The following GAPDHS variants were observed in gnomAD, a reference collection of about 807,000 sequenced individuals.
GAPDHS encodes glyceraldehyde-3-phosphate dehydrogenase, spermatogenic.
Under a neutral mutation model 48.7 loss-of-function variants are expected in GAPDHS, and 42 were observed. The observed-to-expected ratio is 0.86, with a 90% CI of 0.67 to 1.12. The LOEUF is 1.12. Ranked by LOEUF, GAPDHS falls within the 50% of genes most tolerant of loss-of-function variation. GAPDHS has a pLI of 0.00. For missense variants in GAPDHS, 512 were observed against 557.7 expected (o/e 0.92, Z 0.82); for synonymous variants, 166 against 219.1 (o/e 0.76, Z 2.14).
chr19:35,538,011 G>A (rs1372220714), intron 2 of GAPDHS, among the ~76,000 whole-genome samples: 2 of 152,194 alleles, frequency 1.3e-5, no homozygotes, highest in African/African-American at 4.8e-5. Context: ...AGGAGGCAGA[G>A]GTTGCAATGA....
At chr19:35,542,029 T>C (rs1305309056) in intron 4 of GAPDHS, 9 of 446,890 alleles carry the variant, frequency 2.0e-5, no homozygotes, top group Non-Finnish European at 2.9e-5. Flanking sequence ...GCAGTCAGCA[T>C]TGGCGCCTCT....
At chr19:35,544,874 C>A in intron 9 of GAPDHS, 35 bp from the exon 10 acceptor site, 1 of 1,327,192 alleles carries the variant, frequency 7.5e-7, no homozygotes, top group Non-Finnish European at 1.1e-6. Context: ...CCTTGCTCTG[C>A]CGGACACACT....
chr19:35,540,444 G>A (rs768331342), intron 4 of GAPDHS, among the ~76,000 whole-genome samples: 1 of 152,202 alleles, frequency 6.6e-6, no homozygotes, highest in African/African-American at 2.4e-5. Flanking sequence ...CAGAGGAATC[G>A]CAAGTGTCCC....
chr19:35,533,838 C>A (rs552311585), intron 1 of GAPDHS, among the ~76,000 whole-genome samples: 1 of 152,182 alleles, frequency 6.6e-6, no homozygotes, highest in Non-Finnish European at 1.5e-5. Flanking sequence ...CGCTATCACG[C>A]GGTAGAAAGA....
chr19:35,542,228 C>A, intron 4 of GAPDHS, 91 bp from the exon 5 acceptor site: 3 of 876,558 alleles, frequency 3.4e-6, no homozygotes, highest in South Asian at 2.8e-5. Context: ...TGGGCCGGTA[C>A]CTGCTCAGCC....
intron 1 of GAPDHS, among the ~76,000 whole-genome samples, chr19:35,536,578 GA>G (rs144468847): frequency 2.1e-5 from 3 of 146,116 alleles, no homozygotes; most frequent in South Asian, 2.2e-4. Flanking sequence ...TCTGTCTCGG[GA>G]AAAAAAAAAC....
In GAPDHS at chr19:35,542,311, C is replaced by T; in HGVS notation, c.450-8C>T. Reference sequence around the variant, plus strand: ...GGAGACTGACTCAGCCCTGCCACTTCCCCACAGCAAAGAGCCCAAACAGAT... The same window carrying T: ...GGAGACTGACTCAGCCCTGCCACTTTCCCACAGCAAAGAGCCCAAACAGAT... On this transcript the variant is annotated splice_polypyrimidine_tract_variant and splice_region_variant and intron_variant, in intron 4 of 10. Coordinates refer to ENST00000222286, the MANE Select transcript of GAPDHS (RefSeq NM_014364.5). 6.2e-7 allele frequency: 1 copy of T among 1,600,138 alleles called. No individual in the cohort carries two copies. The highest frequency in any genetic ancestry group is 8.6e-7 in the Non-Finnish European group (1 of 1,168,924).
At chr19:35,537,102 G>A (rs753335986) in intron 2 of GAPDHS, 112 bp downstream of exon 2, 185 of 895,886 alleles carry the variant, frequency 2.1e-4, no homozygotes, top group Admixed American at 6.2e-4. Context: ...TCGTTCCGAC[G>A]ACCCTGGAGA....
At chr19:35,542,082 C>G (rs1218288463) in intron 4 of GAPDHS, 5 of 550,176 alleles carry the variant, frequency 9.1e-6, no homozygotes, top group Non-Finnish European at 1.6e-5. Context: ...CACCTGTACC[C>G]AGGCATAACA....
chr19:35,542,197 G>C, intron 4 of GAPDHS, 122 bp from the exon 5 acceptor site: 1 of 679,620 alleles, frequency 1.5e-6, no homozygotes, highest in East Asian at 2.7e-5. Flanking sequence ...GTGTGGGGTA[G>C]GGGACGCAGG....
chr19:35,544,773 A>T (rs555626112), intron 9 of GAPDHS, 136 bp from the exon 10 acceptor site: 1 of 680,532 alleles, frequency 1.5e-6, no homozygotes, highest in South Asian at 1.6e-5. Context: ...TCCAGTCCAG[A>T]GACTGGACAC....
At chr19:35,545,077 C>G (rs753485007) in intron 10 of GAPDHS, 21 bp from the exon 11 acceptor site, 1 of 1,612,844 alleles carries the variant, frequency 6.2e-7, no homozygotes, top group South Asian at 1.1e-5. Context: ...CCCCTTGAAC[C>G]TCCCGACCCC....
intron 4 of GAPDHS, among the ~76,000 whole-genome samples, chr19:35,539,566 C>A (rs1296794381): frequency 6.6e-6 from 1 of 152,116 alleles, no homozygotes; most frequent in Non-Finnish European, 1.5e-5. Context: ...CAGGCCCACA[C>A]ACATGCAAAT....
At position 35,542,957 on chromosome 19, in the gene GAPDHS, C is replaced by A. The variant is rs763733338; in HGVS notation, c.672C>A (p.Cys224Ter). ...GSMNIVSNAS[C>*]TTNCLAPLAK... is the part of the protein sequence containing the mutation. ...TTGGCTGTTTCAGCAACGCGTCCTG[C>A]ACCACCAACTGTTTGGCTCCCCTCG... Residue 224 changes from cysteine (C) to a stop codon, truncating the protein, a stop_gained, in exon 7 of 11, where the codon TGC becomes TGA. Coordinates refer to ENST00000222286, the MANE Select transcript of GAPDHS (RefSeq NM_014364.5). LOFTEE classifies it high-confidence loss of function. 3 of 1,613,908 alleles carry A rather than the reference C, an allele frequency of 1.9e-6. No homozygotes were observed. The Admixed American group carries it at 5.0e-5, about 27-fold the overall frequency.
intron 1 of GAPDHS, among the ~76,000 whole-genome samples, chr19:35,534,275 G>A (rs922811135): frequency 2.6e-5 from 4 of 151,500 alleles, no homozygotes; most frequent in Admixed American, 6.6e-5. Flanking sequence ...TTCCCACACT[G>A]TTCCCTCACT....
chr19:35,540,666 C>T (rs2071495500), intron 4 of GAPDHS: 1 of 152,092 alleles, frequency 6.6e-6, no homozygotes, highest in Admixed American at 6.6e-5. Flanking sequence ...CAGGCTCTCC[C>T]TCTCACTCCC....
chr19:35,534,662 C>T (rs183693774), intron 1 of GAPDHS, among the ~76,000 whole-genome samples: 1 of 152,248 alleles, frequency 6.6e-6, no homozygotes, highest in Admixed American at 6.5e-5. Flanking sequence ...CCACCTGAAC[C>T]AGGTGGACAA....
chr19:35,533,480 C>T lies in GAPDHS; in HGVS notation c.-48C>T, dbSNP rs766234386. The T allele has an allele frequency of 1.9e-6, 3 of 1,552,312 alleles. No individual in the cohort carries two copies. Among genetic ancestry groups the T allele is most frequent in the Non-Finnish European group, 2.7e-6 (3 of 1,124,476 alleles). On this transcript the variant is annotated 5_prime_UTR_variant, in exon 1 of 11. Transcript: ENST00000222286. ...CAGCCCTGGCGCTCCGCACGCACCT[C>T]GGTAACATCACAGCAGGTCCAGGCC...
At chr19:35,541,506 G>C (rs961186981) in intron 4 of GAPDHS, 5 of 151,566 alleles carry the variant, frequency 3.3e-5, no homozygotes, top group African/African-American at 1.2e-4. Flanking sequence ...ATTGAGGGGA[G>C]CAGGCTCAAT....
Sources: gnomAD v4.1 joint callset for allele counts (sites outside exome capture counted in the v4.1 genomes callset) on GRCh38, gnomAD v4.1.1 for gene constraint, MANE v1.5 for transcripts, NCBI Gene and HGNC (gene_info 2026-07-23, HGNC 2026-07-21) for gene names.